SGCZ: variants seen among roughly 807,000 people sequenced by gnomAD.
SGCZ encodes the protein zeta-sarcoglycan.
SGCZ carries 40 observed loss-of-function variants against 41.3 expected under a neutral mutation model. The observed-to-expected ratio is 0.97, with a 90% confidence interval of 0.75 to 1.26. The LOEUF is 1.26. Among genes scored for constraint, SGCZ ranks in the 50% most tolerant of loss-of-function variants. SGCZ has a pLI of 0.00. For missense variants in SGCZ, 552 were observed against 369.8 expected, an observed-to-expected ratio of 1.49 and a Z score of -4.04; for synonymous variants, 206 against 137.5, an observed-to-expected ratio of 1.50 and a Z score of -3.49.
intron 1 of SGCZ, among the ~76,000 whole-genome samples, chr8:14,621,130 C>T (rs1318866443): frequency 2.0e-5 from 3 of 151,954 alleles, no homozygotes; most frequent in Non-Finnish European, 1.5e-5. Context: ...GAGCTCATGT[C>T]CTTTGTAGGG....
chr8:15,039,824 T>C (rs1321780369), intron 1 of SGCZ, among the ~76,000 whole-genome samples: 1 of 152,200 alleles, frequency 6.6e-6, no homozygotes, highest in Admixed American at 6.5e-5. Flanking sequence ...CCATTTTACA[T>C]ACGTATGTGT....
intron 1 of SGCZ, among the ~76,000 whole-genome samples, chr8:14,949,897 G>A (rs1360313547): frequency 2.0e-5 from 3 of 152,042 alleles, no homozygotes; most frequent in South Asian, 4.1e-4. Flanking sequence ...CAAAAGATCG[G>A]AAGTTAAGGT....
At chr8:15,112,784 C>T (rs1424089831) in intron 1 of SGCZ, among the ~76,000 whole-genome samples, 1 of 152,202 alleles carries the variant, frequency 6.6e-6, no homozygotes, top group East Asian at 1.9e-4. Flanking sequence ...GATAGTGAAT[C>T]CTCCAAGCCA....
rs116412276 is a variant in SGCZ, at chr8:14,516,175, A to G, written c.234+38557T>C. Among the ~76,000 whole-genome samples, 1,429 of 151,696 alleles carry G rather than the reference A, an allele frequency of 9.4e-3. 25 individuals carry two copies. Among genetic ancestry groups the G allele is most frequent in the African/African-American group, 0.033 (1,376 of 41,402 alleles). On this transcript the variant is annotated intron_variant, in intron 2 of 7. Transcript: ENST00000382080. ...AACATTTTACTTTAGGTTTGAGGGT[A>G]CATGTGAAGGTTTGATACATCGTAA...
At chr8:14,504,425 T>TTA (rs1269936073) in intron 2 of SGCZ, among the ~76,000 whole-genome samples, 3 of 152,250 alleles carry the variant, frequency 2.0e-5, no homozygotes, top group Non-Finnish European at 4.4e-5. Flanking sequence ...AAAAGGAAGT[T>TTA]TATAGTTACA....
At chr8:14,302,541 C>G (rs541491781) in intron 3 of SGCZ, among the ~76,000 whole-genome samples, 1 of 152,150 alleles carries the variant, frequency 6.6e-6, no homozygotes, top group Non-Finnish European at 1.5e-5. Context: ...CCTACACCCT[C>G]TCCGATTTCA....
intron 1 of SGCZ, among the ~76,000 whole-genome samples, chr8:14,934,133 G>A (rs934542899): frequency 2.0e-5 from 3 of 151,702 alleles, no homozygotes; most frequent in Non-Finnish European, 4.4e-5. Flanking sequence ...CCTTTCTAGG[G>A]CAATGTATTT....
intron 2 of SGCZ, among the ~76,000 whole-genome samples, chr8:14,402,427 A>C (rs1799103855): frequency 6.6e-6 from 1 of 151,856 alleles, no homozygotes; most frequent in South Asian, 2.1e-4. Flanking sequence ...TTTAGGTCGA[A>C]CGTTTAAGTC....
At chr8:14,920,707 C>G (rs1248231084) in intron 1 of SGCZ, among the ~76,000 whole-genome samples, 1 of 152,124 alleles carries the variant, frequency 6.6e-6, no homozygotes, top group Non-Finnish European at 1.5e-5. Flanking sequence ...TAGACTTTCC[C>G]TAAAACTGTA....
chr8:14,829,661 A>G (rs1585299468), intron 1 of SGCZ, among the ~76,000 whole-genome samples: 1 of 151,310 alleles, frequency 6.6e-6, no homozygotes, highest in African/African-American at 2.4e-5. Flanking sequence ...AATATACATT[A>G]GTCCGTTTCT....
chr8:14,593,369 G>T (rs1210793520), intron 1 of SGCZ, among the ~76,000 whole-genome samples: 2 of 152,234 alleles, frequency 1.3e-5, no homozygotes, highest in East Asian at 3.9e-4. Context: ...TTCTCCCCTT[G>T]ACCCTCCAGC....
intron 2 of SGCZ, among the ~76,000 whole-genome samples, chr8:14,382,060 A>G (rs754146133): frequency 1.3e-5 from 2 of 152,164 alleles, no homozygotes; most frequent in Non-Finnish European, 2.9e-5. Context: ...AAGAGTATTC[A>G]GTGAAAGCGG....
chr8:14,889,549 GTAACT>G (rs749415693), intron 1 of SGCZ, among the ~76,000 whole-genome samples: 29 of 151,952 alleles, frequency 1.9e-4, no homozygotes, highest in South Asian at 4.1e-4. Flanking sequence ...AGTTGGGCAA[GTAACT>G]TGACTTGGAC....
intron 2 of SGCZ, among the ~76,000 whole-genome samples, chr8:14,378,304 G>GT (rs943587681): frequency 6.6e-6 from 1 of 151,940 alleles, no homozygotes; most frequent in Non-Finnish European, 1.5e-5. Context: ...TTTTTCATGT[G>GT]TTTTTTGGCT....
intron 4 of SGCZ, among the ~76,000 whole-genome samples, chr8:14,211,212 G>T (rs1264668479): frequency 2.0e-5 from 3 of 152,106 alleles, no homozygotes; most frequent in African/African-American, 7.2e-5. Flanking sequence ...AAGGTGTTTT[G>T]CTTGCAGGAC....
intron 1 of SGCZ, among the ~76,000 whole-genome samples, chr8:15,117,210 T>A (rs1423776618): frequency 6.6e-6 from 1 of 151,952 alleles, no homozygotes; most frequent in Admixed American, 6.6e-5. Context: ...ATACAAAAAA[T>A]TAGCTGGGCG....
At chr8:14,954,979 C>G (rs1318995366) in intron 1 of SGCZ, among the ~76,000 whole-genome samples, 1 of 152,076 alleles carries the variant, frequency 6.6e-6, no homozygotes, top group African/African-American at 2.4e-5. Context: ...ATTACATAAT[C>G]AAATAAGATA....
intron 1 of SGCZ, among the ~76,000 whole-genome samples, chr8:14,865,916 C>T (rs1803915087): frequency 6.6e-6 from 1 of 152,062 alleles, no homozygotes; most frequent in Non-Finnish European, 1.5e-5. Context: ...CAAACGACAC[C>T]TTGGGGACCC....
At chr8:14,532,986 G>T (rs532406463) in intron 2 of SGCZ, among the ~76,000 whole-genome samples, 21 of 151,886 alleles carry the variant, frequency 1.4e-4, no homozygotes, top group African/African-American at 5.1e-4. Context: ...CAATCAAATT[G>T]CATTATTTCT....
Sources: gnomAD v4.1 joint callset for allele counts (sites outside exome capture counted in the v4.1 genomes callset) on GRCh38, gnomAD v4.1.1 for gene constraint, MANE v1.5 for transcripts, NCBI Gene and HGNC (gene_info 2026-07-23, HGNC 2026-07-21) for gene names.